Variants in C1orf105 observed in about 807,000 individuals in gnomAD.
C1orf105 encodes chromosome 1 open reading frame 105, also known as uncharacterized protein C1orf105.
C1orf105 carries 17 observed loss-of-function variants against 20.8 expected under a neutral mutation model. The ratio of observed to expected loss-of-function variants is 0.82; its 90% confidence interval spans 0.56 to 1.23. The LOEUF (loss-of-function observed/expected upper bound fraction) is 1.23. Among genes scored for constraint, C1orf105 ranks in the 50% most tolerant of loss-of-function variants. The pLI is 0.00. For missense variants in C1orf105, 219 were observed against 213.5 expected, an observed-to-expected ratio of 1.03 and a Z score of -0.16; for synonymous variants, 72 against 72.1, an observed-to-expected ratio of 1.00 and a Z score of 0.01.
At chr1:172,441,982 G>A in intron 1 of C1orf105, 1 of 1,614,150 alleles carries the variant, frequency 6.2e-7, no homozygotes, top group Non-Finnish European at 8.5e-7. Context: ...CTGCAACATG[G>A]GCCACAGGGC....
intron 4 of C1orf105, 72 bp downstream of exon 4, chr1:172,456,561 T>C: frequency 6.9e-7 from 1 of 1,458,584 alleles, no homozygotes; most frequent in Admixed American, 1.7e-5. Flanking sequence ...AGCCAAGCCC[T>C]GTGGGGAGAG....
chr1:172,420,748 G>A lies in C1orf105; in HGVS notation c.-138G>A. 2 of 742,576 alleles carry A rather than the reference G, an allele frequency of 2.7e-6. No homozygotes were observed. Among genetic ancestry groups the A allele is most frequent in the Non-Finnish European group, 4.6e-6 (2 of 432,400 alleles). 46.0% of individuals were successfully genotyped at this position (742,576 alleles called of 1,614,324 possible). ...ATACTGGTATTGAAACTGTAAACTG[G>A]CCTGTTTACTTCGTCTCCTAACAAA... On this transcript the variant is annotated 5_prime_UTR_variant, in exon 1 of 7. Transcript: ENST00000367727.
chr1:172,445,038 A>C, intron 1 of C1orf105, 35 bp from the exon 2 acceptor site: 1 of 1,536,374 alleles, frequency 6.5e-7, no homozygotes, highest in South Asian at 1.1e-5. Flanking sequence ...TTTAAGTGTG[A>C]TATATTCTGT....
At chr1:172,442,572 G>T (rs1647437646) in intron 1 of C1orf105, 3 of 1,614,074 alleles carry the variant, frequency 1.9e-6, no homozygotes, top group Non-Finnish European at 2.5e-6. Flanking sequence ...GCTCATACAA[G>T]ACCTTCTGCC....
At chr1:172,450,122 C>T (rs1016088071) in intron 3 of C1orf105, among the ~76,000 whole-genome samples, 2 of 152,222 alleles carry the variant, frequency 1.3e-5, no homozygotes, top group African/African-American at 4.8e-5. Flanking sequence ...GCAACAGCTT[C>T]CAGCTGCGCA....
chr1:172,421,909 G>C (rs1174627479), intron 1 of C1orf105, among the ~76,000 whole-genome samples: 1 of 152,144 alleles, frequency 6.6e-6, no homozygotes, highest in East Asian at 1.9e-4. Flanking sequence ...GCAGAACTTA[G>C]CTGTTGCCAA....
At position 172,449,921 on chromosome 1, in the gene C1orf105, A is replaced by G. The variant is rs1648426038; in HGVS notation, c.198+1390A>G. Among the ~76,000 whole-genome samples, 3 of 152,308 alleles carry G rather than the reference A, an allele frequency of 2.0e-5. No individual in the cohort carries two copies. The South Asian group carries it at 6.2e-4, about 32-fold the overall frequency. ...CTGCCGCTGAATGCCTCCTCATCTC[A>G]GGTTTGTTCTGGGTCTCTGTACTGT... is the stretch of plus-strand genomic sequence containing the variant. On this transcript the variant is annotated intron_variant, in intron 3 of 6. Transcript: ENST00000367727.
intron 3 of C1orf105, among the ~76,000 whole-genome samples, chr1:172,452,211 CAT>C (rs1486185363): frequency 6.6e-6 from 1 of 152,162 alleles, no homozygotes; most frequent in African/African-American, 2.4e-5. Flanking sequence ...CCTGAGGAAA[CAT>C]AATCCTTTTT....
chr1:172,445,657 A>G (rs527688082), intron 2 of C1orf105, among the ~76,000 whole-genome samples: 1 of 152,324 alleles, frequency 6.6e-6, no homozygotes, highest in South Asian at 2.1e-4. Flanking sequence ...CAGGAATTAC[A>G]TATCTAGGGA....
Position 172,435,794 on chromosome 1 carries a change from G to A in C1orf105, c.22-9279G>A, listed in dbSNP as rs540059287. Among the ~76,000 whole-genome samples the A allele has an allele frequency of 8.5e-5, 13 of 152,308 alleles. No individual in the cohort carries two copies. In the South Asian group the frequency reaches 2.5e-3, roughly 29 times the overall value. The stretch of plus-strand genomic sequence containing the variant: ...TAAAGGGTATTCAATTAGGAAAAGA[G>A]GAAGTCAAATTGTCCCTGTTTCCAG... On this transcript the variant is annotated intron_variant, in intron 1 of 6. Transcript: ENST00000367727.
rs1278813615 is a variant in C1orf105, at chr1:172,441,979, A to G, written c.22-3094A>G. ...ACATGCCTTTAGTTTCTTCTGCAAC[A>G]TGGGCCACAGGGCAAAAATCTGAAT... On this transcript the variant is annotated intron_variant, in intron 1 of 6. Transcript: ENST00000367727. 2.5e-6 allele frequency: 4 copies of G among 1,614,092 alleles called. No individual in the cohort carries two copies. Among genetic ancestry groups the G allele is most frequent in the Non-Finnish European group, 3.4e-6 (4 of 1,180,042 alleles).
rs761795964 is a variant in C1orf105 at position 172,465,388 on chromosome 1, T to C, written c.406+25T>C. On this transcript the variant is annotated intron_variant, in intron 6 of 6. Coordinates refer to ENST00000367727, the MANE Select transcript of C1orf105 (RefSeq NM_139240.4). ...GGTTTGCTTTCTTTTAGAGTACTTA[T>C]AGTGTGAAACACACTAGAAAAAAAT... 30 of 1,534,740 alleles carry C rather than the reference T, an allele frequency of 2.0e-5. No homozygotes were observed. The African/African-American group carries it at 2.5e-4, about 13-fold the overall frequency.
At chr1:172,423,921 G>A (rs1011141379) in intron 1 of C1orf105, among the ~76,000 whole-genome samples, 1 of 151,976 alleles carries the variant, frequency 6.6e-6, no homozygotes, top group Non-Finnish European at 1.5e-5. Flanking sequence ...AATATATAGA[G>A]GGGACAAAAG....
At chr1:172,428,695 C>T in intron 1 of C1orf105, 1 of 600,510 alleles carries the variant, frequency 1.7e-6, no homozygotes, top group Admixed American at 3.2e-5. Flanking sequence ...TTCTTTTTTC[C>T]ATAGCACTTA....
chr1:172,439,013 T>C (rs1023361010), intron 1 of C1orf105, among the ~76,000 whole-genome samples: 1 of 152,232 alleles, frequency 6.6e-6, no homozygotes, highest in African/African-American at 2.4e-5. Context: ...TTATAGACTT[T>C]ATTATAATGT....
At chr1:172,429,049 C>T (rs1469211014) in intron 1 of C1orf105, among the ~76,000 whole-genome samples, 1 of 152,214 alleles carries the variant, frequency 6.6e-6, no homozygotes, top group African/African-American at 2.4e-5. Flanking sequence ...CATTATCCTT[C>T]AGTCCTGGGC....
intron 3 of C1orf105, among the ~76,000 whole-genome samples, chr1:172,452,108 T>C (rs1648719623): frequency 6.6e-6 from 1 of 152,074 alleles, no homozygotes; most frequent in Non-Finnish European, 1.5e-5. Flanking sequence ...CCTGACCTCA[T>C]GATCCGCCTG....
chr1:172,462,551 C>G (rs1193642464), intron 5 of C1orf105, among the ~76,000 whole-genome samples: 1 of 152,168 alleles, frequency 6.6e-6, no homozygotes, highest in Non-Finnish European at 1.5e-5. Context: ...TACAAATTCT[C>G]CATGTAGATG....
At chr1:172,466,306 T>A (rs1028660850) in intron 6 of C1orf105, among the ~76,000 whole-genome samples, 12 of 152,140 alleles carry the variant, frequency 7.9e-5, no homozygotes, top group African/African-American at 2.7e-4. Context: ...TCGCTTCTTA[T>A]GTATACCAAA....
Sources: gnomAD v4.1 joint callset for allele counts (sites outside exome capture counted in the v4.1 genomes callset) on GRCh38, gnomAD v4.1.1 for gene constraint, MANE v1.5 for transcripts, NCBI Gene and HGNC (gene_info 2026-07-23, HGNC 2026-07-21) for gene names.